Variants in VPS13A observed in about 807,000 individuals in gnomAD.
VPS13A encodes vacuolar protein sorting 13 homolog A.
Under a neutral mutation model 390.9 loss-of-function variants are expected in VPS13A, and 264 were observed. The observed-to-expected ratio is 0.68, with a 90% CI of 0.61 to 0.75. The LOEUF (loss-of-function observed/expected upper bound fraction) is 0.75, where lower values mean the gene tolerates loss of function less well. VPS13A is among the 30% of genes least tolerant of loss of function. The pLI is 0.00. For synonymous variants in VPS13A, 1,231 were observed against 1,227.1 expected, an observed-to-expected ratio of 1.00 and a Z score of -0.07; for missense variants, 3,409 against 3,733.9, an observed-to-expected ratio of 0.91 and a Z score of 2.27.
At chr9:77,308,528 A>G (rs1458179025) in intron 35 of VPS13A, among the ~76,000 whole-genome samples, 1 of 152,166 alleles carries the variant, frequency 6.6e-6, no homozygotes, top group Non-Finnish European at 1.5e-5. Flanking sequence ...TCAAAGTATT[A>G]GAGGTGCAAA....
chr9:77,240,582 A>AT (rs370726566), intron 19 of VPS13A, among the ~76,000 whole-genome samples: 1 of 149,534 alleles, frequency 6.7e-6, no homozygotes, highest in African/African-American at 2.5e-5. Flanking sequence ...GGTTCAAGCA[A>AT]TTTTTTTGCC....
chr9:77,344,242 C>G lies in VPS13A; in HGVS notation c.7116C>G (p.Asn2372Lys), dbSNP rs768898784. The G allele has an allele frequency of 5.0e-6, 8 of 1,613,264 alleles. No individual in the cohort carries two copies. The Admixed American group carries it at 1.3e-4, about 27-fold the overall frequency. The stretch of plus-strand genomic sequence containing the variant: ...ATCCTCCCAAAAGGATATATTTTAA[C>G]AAGCAGGAAAATTGTATTCTATTGC... Reference protein sequence around the residue: ...SEDPPKRIYFNKQENCILLRL... With the variant: ...SEDPPKRIYFKKQENCILLRL... The change falls in exon 51 of 72, where the codon AAC (asparagine) becomes AAG (lysine). Residue 2372 changes from asparagine (N) to lysine (K), a missense_variant. Physicochemically the swap from Asn to Lys is moderately conservative, Grantham distance 94. Around this residue, in one of 5 missense-constraint regions of VPS13A, gnomAD observed 2,717 missense variants for 2,917.4 expected, o/e 0.93. Coordinates refer to ENST00000360280, the MANE Select transcript of VPS13A (RefSeq NM_033305.3).
intron 69 of VPS13A, 66 bp downstream of exon 69, chr9:77,403,387 A>G (rs1208483474): frequency 7.7e-7 from 1 of 1,304,086 alleles, no homozygotes; most frequent in Non-Finnish European, 1.1e-6. Flanking sequence ...CATGAGGTGA[A>G]GATTTGTTAT....
At chr9:77,396,619 T>C (rs1834129423) in intron 68 of VPS13A, among the ~76,000 whole-genome samples, 1 of 152,196 alleles carries the variant, frequency 6.6e-6, no homozygotes. Context: ...TTCTTTTTCC[T>C]GGCCATGGCA....
chr9:77,405,906 G>A lies in VPS13A; in HGVS notation c.9318G>A (p.Thr3106=), dbSNP rs201243237. The change falls in exon 70 of 72, where the codon ACG becomes ACA. Residue 3106 remains threonine (T), a synonymous_variant. Coordinates refer to ENST00000360280, the MANE Select transcript of VPS13A (RefSeq NM_033305.3). ...FVTKGTFGQL[T]CEWQYSFDEF... ...CAAAGGGAACATTTGGACAACTCAC[G>A]TGTGAGTGGCAGTATAGTTTTGATG... 33 of 1,613,646 alleles carry A rather than the reference G, an allele frequency of 2.0e-5. No individual in the cohort carries two copies. Among genetic ancestry groups the A allele is most frequent in the South Asian group, 9.9e-5 (9 of 91,086 alleles).
intron 60 of VPS13A, among the ~76,000 whole-genome samples, chr9:77,365,783 T>G (rs975432982): frequency 5.3e-5 from 8 of 152,116 alleles, no homozygotes; most frequent in Admixed American, 1.3e-4. Flanking sequence ...GTTTATAATT[T>G]GACCTAACAT....
intron 7 of VPS13A, 132 bp from the exon 8 acceptor site, chr9:77,212,837 A>T (rs1826044785): frequency 5.5e-6 from 5 of 902,498 alleles, no homozygotes; most frequent in South Asian, 2.9e-5. Context: ...GTATTTTTTG[A>T]TGGAGTGATA....
chr9:77,191,148 A>G (rs1824657830), intron 1 of VPS13A, among the ~76,000 whole-genome samples: 1 of 151,918 alleles, frequency 6.6e-6, no homozygotes, highest in African/African-American at 2.4e-5. Context: ...TTAACTTTAT[A>G]TCTTTCTAAC....
At position 77,366,920 on chromosome 9, in the gene VPS13A, T is replaced by C. The variant is rs1254821491; in HGVS notation, c.8471+48T>C. 6 of 1,582,986 alleles carry C rather than the reference T, an allele frequency of 3.8e-6. No individual in the cohort carries two copies. The East Asian group carries it at 1.1e-4, about 30-fold the overall frequency. On this transcript the variant is annotated intron_variant, in intron 61 of 71. Transcript: ENST00000360280. ...TAAATTGATGGAAATATTTCTATTT[T>C]ATATGTCCCTAAAAATTTCGTAAAT...
At chr9:77,186,128 A>G (rs962150392) in intron 1 of VPS13A, among the ~76,000 whole-genome samples, 12 of 152,206 alleles carry the variant, frequency 7.9e-5, no homozygotes, top group Non-Finnish European at 1.6e-4. Context: ...AAAAAACACA[A>G]AAACAAAAAT....
At chr9:77,206,927 A>G (rs1389947708) in intron 5 of VPS13A, among the ~76,000 whole-genome samples, 1 of 151,880 alleles carries the variant, frequency 6.6e-6, no homozygotes, top group African/African-American at 2.4e-5. Context: ...TTAACATGTA[A>G]TTCTTGGCAA....
intron 1 of VPS13A, among the ~76,000 whole-genome samples, chr9:77,182,261 T>G (rs978117136): frequency 2.2e-4 from 34 of 152,070 alleles, no homozygotes; most frequent in South Asian, 2.1e-4. Flanking sequence ...GCATGGCTAA[T>G]TTTTGTATTT....
chr9:77,302,842 A>G, intron 33 of VPS13A, 73 bp from the exon 34 acceptor site: 1 of 1,466,440 alleles, frequency 6.8e-7, no homozygotes, highest in Non-Finnish European at 9.5e-7. Flanking sequence ...AAAAGGATAA[A>G]TTTAAGTTAA....
chr9:77,247,344 A>C lies in VPS13A; in HGVS notation c.1986A>C (p.Gly662=). Residue 662 remains glycine, a synonymous_variant, in exon 20 of 72, where the codon GGA becomes GGC. Coordinates refer to ENST00000360280, the MANE Select transcript of VPS13A (RefSeq NM_033305.3). ...CATATATTATTGTCCCACAAGATGG[A>C]ATTTTTAGTCCTACATCAAATCTGC... ...KASYIIVPQD[G]IFSPTSNLLL... 1 of 1,612,566 alleles carries C rather than the reference A, an allele frequency of 6.2e-7. No homozygotes were observed. The highest frequency in any genetic ancestry group is 8.5e-7 in the Non-Finnish European group (1 of 1,179,316).
chr9:77,217,531 T>G (rs1313684434), intron 10 of VPS13A, among the ~76,000 whole-genome samples: 2 of 152,208 alleles, frequency 1.3e-5, no homozygotes, highest in Non-Finnish European at 2.9e-5. Context: ...ACACATTATT[T>G]AGCTCCCACT....
chr9:77,182,218 C>T (rs537747527), intron 1 of VPS13A, among the ~76,000 whole-genome samples: 38 of 152,258 alleles, frequency 2.5e-4, no homozygotes, highest in Admixed American at 1.7e-3. Flanking sequence ...CTCAGCCTCC[C>T]GAGTAGCTGG....
At chr9:77,229,051 C>T (rs1304690767) in intron 17 of VPS13A, among the ~76,000 whole-genome samples, 1 of 152,086 alleles carries the variant, frequency 6.6e-6, no homozygotes, top group Non-Finnish European at 1.5e-5. Context: ...ACCTTATCAA[C>T]TACTATCTAA....
chr9:77,216,039 T>G (rs989442997), intron 10 of VPS13A, among the ~76,000 whole-genome samples: 1 of 152,174 alleles, frequency 6.6e-6, no homozygotes, highest in East Asian at 1.9e-4. Context: ...GAGCTGGGTG[T>G]GGGAGAAGCC....
chr9:77,415,873 A>C, intron 71 of VPS13A, 83 bp from the exon 72 acceptor site: 1 of 1,530,402 alleles, frequency 6.5e-7, no homozygotes, highest in Non-Finnish European at 9.0e-7. Context: ...TATAAAGCTA[A>C]CTTCTAGATC....
Sources: allele counts gnomAD v4.1 joint callset (sites outside exome capture counted in the v4.1 genomes callset), GRCh38; gene constraint gnomAD v4.1.1; regional missense constraint gnomAD v4.1.1; transcripts MANE v1.5; gene names NCBI Gene and HGNC (gene_info 2026-07-23, HGNC 2026-07-21).